FRY: variants seen among roughly 807,000 people sequenced by gnomAD.
FRY encodes the protein protein furry homolog.
In FRY, 128 loss-of-function variants were observed where a neutral mutation model predicts 348.4. The observed-to-expected ratio is 0.37, with a 90% CI of 0.32 to 0.43. The LOEUF is 0.43. Ranked by LOEUF, FRY falls within the 20% of genes least tolerant of loss-of-function variation. FRY has a pLI of 1.00. For synonymous variants in FRY, 1,370 were observed against 1,374.7 expected (o/e 1.00, Z 0.08); for missense variants, 2,736 against 3,695.2 (o/e 0.74, Z 6.73).
At chr13:32,054,208 C>CTTTTTTTTTTT (rs145256787) in intron 1 of FRY, among the ~76,000 whole-genome samples, 2 of 148,840 alleles carry the variant, frequency 1.3e-5, no homozygotes. Context: ...TGAACACACC[C>CTTTTTTTTTTT]TTTTTTTTTT....
intron 48 of FRY, among the ~76,000 whole-genome samples, chr13:32,248,765 G>A (rs1400686683): frequency 5.3e-5 from 8 of 152,028 alleles, no homozygotes; most frequent in Non-Finnish European, 1.0e-4. Context: ...TTTTAACCTG[G>A]CTAGGGGGAA....
chr13:32,189,876 T>TACAAAA (rs1201476693), intron 28 of FRY, among the ~76,000 whole-genome samples: 1 of 152,036 alleles, frequency 6.6e-6, no homozygotes, highest in African/African-American at 2.4e-5. Context: ...CATGAGATTG[T>TACAAAA]CTCTAATACA....
intron 3 of FRY, among the ~76,000 whole-genome samples, chr13:32,114,329 C>A (rs1377355910): frequency 6.6e-6 from 1 of 152,170 alleles, no homozygotes; most frequent in East Asian, 1.9e-4. Flanking sequence ...ACTAAGAAAC[C>A]AGCATAGGTA....
intron 1 of FRY, among the ~76,000 whole-genome samples, chr13:32,074,076 A>G (rs1278815845): frequency 2.6e-5 from 4 of 152,256 alleles, no homozygotes; most frequent in Admixed American, 6.5e-5. Context: ...AAAGATCATC[A>G]GTCTGAATAG....
chr13:32,165,022 A>G (rs1341462689), intron 17 of FRY, among the ~76,000 whole-genome samples: 2 of 152,236 alleles, frequency 1.3e-5, no homozygotes, highest in African/African-American at 4.8e-5. Flanking sequence ...CAAAGAACAT[A>G]CACCGTGCTA....
chr13:32,079,001 C>T lies in FRY; in HGVS notation c.238C>T (p.Arg80Cys), dbSNP rs759496780. 4.3e-6 allele frequency: 7 copies of T among 1,613,558 alleles called. No individual in the cohort carries two copies. The highest frequency in any genetic ancestry group is 2.2e-5 in the East Asian group (1 of 44,890). The change falls in exon 2 of 61, where the codon CGC becomes TGC. Residue 80 changes from arginine to cysteine, a missense_variant. By Grantham distance (180) the Arg-to-Cys change is radical. Around this residue, in one of 9 missense-constraint regions of FRY, gnomAD observed 309 missense variants for 418.1 expected, o/e 0.74. Transcript: ENST00000542859. ...LFVNFTTQAE[R>C]KIRIIMAEPL... ...TGTCAACTTCACCACTCAGGCTGAA[C>T]GCAAGATTCGTATCATTATGGCAGA... is the stretch of plus-strand genomic sequence containing the variant.
intron 17 of FRY, among the ~76,000 whole-genome samples, chr13:32,163,237 C>T (rs963298010): frequency 2.6e-5 from 4 of 152,200 alleles, no homozygotes; most frequent in Non-Finnish European, 5.9e-5. Context: ...AAGCCCCTCT[C>T]CAAGGCCTCA....
At chr13:32,169,839 A>C (rs1043516414) in intron 17 of FRY, among the ~76,000 whole-genome samples, 2 of 152,214 alleles carry the variant, frequency 1.3e-5, no homozygotes, top group African/African-American at 4.8e-5. Context: ...GCAGTAATCC[A>C]TCCTACCAAT....
intron 51 of FRY, among the ~76,000 whole-genome samples, chr13:32,257,501 G>A (rs1887398832): frequency 6.6e-6 from 1 of 152,172 alleles, no homozygotes; most frequent in Non-Finnish European, 1.5e-5. Context: ...GCTATTAATT[G>A]CATATGAACA....
intron 35 of FRY, among the ~76,000 whole-genome samples, chr13:32,214,431 G>A (rs1343108543): frequency 6.6e-6 from 1 of 152,188 alleles, no homozygotes. Flanking sequence ...AAAAGATTAT[G>A]AGATTTTGAG....
intron 4 of FRY, among the ~76,000 whole-genome samples, 197 bp from the exon 5 acceptor site, chr13:32,124,089 C>T (rs1025965325): frequency 6.6e-6 from 1 of 152,136 alleles, no homozygotes; most frequent in Non-Finnish European, 1.5e-5. Context: ...CTGCCCGCCT[C>T]GGCCTCCCAA....
intron 50 of FRY, 57 bp from the exon 51 acceptor site, chr13:32,254,167 G>A (rs1454319895): frequency 2.4e-5 from 38 of 1,563,500 alleles, no homozygotes; most frequent in Middle Eastern, 2.1e-4. Flanking sequence ...ACAATTTTTC[G>A]TAGCACAAAC....
chr13:32,062,296 A>G (rs1191760899), intron 1 of FRY, among the ~76,000 whole-genome samples: 1 of 151,850 alleles, frequency 6.6e-6, no homozygotes, highest in African/African-American at 2.4e-5. Context: ...AATGCTAAAT[A>G]TTTCTATTGT....
At chr13:32,285,093 G>C (rs1287882461) in intron 58 of FRY, among the ~76,000 whole-genome samples, 2 of 152,164 alleles carry the variant, frequency 1.3e-5, no homozygotes, top group African/African-American at 2.4e-5. Flanking sequence ...AGAGCAGGAA[G>C]GGGGCTTGAA....
intron 2 of FRY, among the ~76,000 whole-genome samples, chr13:32,095,147 T>G (rs1487223691): frequency 6.6e-6 from 1 of 152,182 alleles, no homozygotes; most frequent in Non-Finnish European, 1.5e-5. Flanking sequence ...TTGTATTCTT[T>G]TAAGAAATGT....
chr13:32,155,677 T>C lies in FRY; in HGVS notation c.1651+15T>C, dbSNP rs745824120. 1.9e-6 allele frequency: 3 copies of C among 1,598,664 alleles called. No individual in the cohort carries two copies. In the East Asian group the frequency reaches 6.7e-5, roughly 36 times the overall value. Reference sequence around the variant, plus strand: ...CAAAATGATAGGTGAGTTTCAGAAGTGCATAAGAACTAAGCCTTATTAAGC... The same window carrying C: ...CAAAATGATAGGTGAGTTTCAGAAGCGCATAAGAACTAAGCCTTATTAAGC... On this transcript the variant is annotated intron_variant, in intron 15 of 60. Coordinates refer to ENST00000542859, the MANE Select transcript of FRY (RefSeq NM_023037.3).
At chr13:32,285,955 G>T (rs1330756532) in intron 58 of FRY, among the ~76,000 whole-genome samples, 1 of 151,956 alleles carries the variant, frequency 6.6e-6, no homozygotes, top group Non-Finnish European at 1.5e-5. Flanking sequence ...CCACATCAGA[G>T]GCTTACAGGT....
chr13:32,245,322 A>C (rs1325586032), intron 47 of FRY, among the ~76,000 whole-genome samples: 1 of 151,816 alleles, frequency 6.6e-6, no homozygotes, highest in Non-Finnish European at 1.5e-5. Context: ...AATAAATATC[A>C]AGGCCAGGTG....
intron 25 of FRY, 51 bp from the exon 26 acceptor site, chr13:32,184,925 A>T: frequency 6.8e-7 from 1 of 1,467,706 alleles, no homozygotes; most frequent in Non-Finnish European, 9.5e-7. Context: ...AGCCTGTATT[A>T]CTTTGACATA....
Sources: gnomAD v4.1 joint callset for allele counts (sites outside exome capture counted in the v4.1 genomes callset) on GRCh38, gnomAD v4.1.1 for gene constraint, gnomAD v4.1.1 regional missense constraint, MANE v1.5 for transcripts, NCBI Gene and HGNC (gene_info 2026-07-23, HGNC 2026-07-21) for gene names.